DHTKD1: variants seen among roughly 807,000 people sequenced by gnomAD.
DHTKD1 encodes the protein 2-oxoadipate dehydrogenase complex component E1.
In DHTKD1, 78 loss-of-function variants were observed where a neutral mutation model predicts 101.8. That is an observed-to-expected ratio of 0.77 (90% CI 0.64 to 0.93). The LOEUF (loss-of-function observed/expected upper bound fraction) is 0.93, where lower values mean the gene tolerates loss of function less well. DHTKD1 is among the 40% of genes least tolerant of loss of function. DHTKD1 has a pLI of 0.00. For missense variants in DHTKD1, 1,223 were observed against 1,161.7 expected (o/e 1.05, Z -0.77); for synonymous variants, 462 against 450.3 (o/e 1.03, Z -0.33).
Position 12,069,069 on chromosome 10 carries a change from C to T in DHTKD1, c.36C>T (p.Gly12=), listed in dbSNP as rs972872618. 4.3e-6 allele frequency: 7 copies of T among 1,612,850 alleles called. No individual in the cohort carries two copies. Among genetic ancestry groups the T allele is most frequent in the African/African-American group, 4.0e-5 (3 of 74,850 alleles). The change falls in exon 1 of 17, where the codon GGC becomes GGT. Residue 12 remains glycine (G), a synonymous_variant. Coordinates refer to ENST00000263035, the MANE Select transcript of DHTKD1 (RefSeq NM_018706.7). ...ASATAAAARR[G]LGRALPLFWR... ...CTACTGCGGCAGCAGCACGACGGGG[C>T]CTCGGCCGGGCTCTCCCTCTCTTCT...
chr10:12,104,294 T>G (rs1262192369), intron 10 of DHTKD1, among the ~76,000 whole-genome samples: 1 of 152,098 alleles, frequency 6.6e-6, no homozygotes, highest in Non-Finnish European at 1.5e-5. Flanking sequence ...TTCTCCCACC[T>G]CAGCCTCCCA....
chr10:12,101,597 C>T (rs1833172522), intron 10 of DHTKD1, among the ~76,000 whole-genome samples: 1 of 152,040 alleles, frequency 6.6e-6, no homozygotes, highest in Admixed American at 6.6e-5. Flanking sequence ...GTACACATAA[C>T]CGTGTATTTC....
At chr10:12,098,833 G>T (rs1022895089) in intron 8 of DHTKD1, among the ~76,000 whole-genome samples, 4 of 152,118 alleles carry the variant, frequency 2.6e-5, no homozygotes, top group Non-Finnish European at 5.9e-5. Context: ...CCAAAGTGCT[G>T]GGTTTACAGG....
intron 1 of DHTKD1, among the ~76,000 whole-genome samples, chr10:12,070,801 C>G (rs747508298): frequency 6.6e-6 from 1 of 152,176 alleles, no homozygotes; most frequent in Non-Finnish European, 1.5e-5. Context: ...GAGGGAACCT[C>G]CTTTTTGCAG....
intron 11 of DHTKD1, 51 bp downstream of exon 11, chr10:12,106,447 C>T: frequency 1.2e-6 from 2 of 1,604,352 alleles, no homozygotes; most frequent in Non-Finnish European, 8.5e-7. Context: ...TGCGTGGCCC[C>T]AGCCTCGTGG....
intron 13 of DHTKD1, among the ~76,000 whole-genome samples, chr10:12,113,903 C>T (rs1833373970): frequency 6.6e-6 from 1 of 152,052 alleles, no homozygotes; most frequent in Non-Finnish European, 1.5e-5. Context: ...CTGGGCAACA[C>T]AGCAAGACAT....
At chr10:12,120,724 G>A in intron 16 of DHTKD1, 63 bp from the exon 17 acceptor site, 1 of 1,372,632 alleles carries the variant, frequency 7.3e-7, no homozygotes, top group Non-Finnish European at 1.0e-6. Flanking sequence ...TGTCTTGTTG[G>A]AACTAAGCAG....
At chr10:12,076,348 G>A (rs1319650251) in intron 1 of DHTKD1, among the ~76,000 whole-genome samples, 2 of 152,168 alleles carry the variant, frequency 1.3e-5, no homozygotes, top group African/African-American at 2.4e-5. Context: ...TGGTGGCACA[G>A]GCCTGTAGTC....
At chr10:12,070,045 T>C (rs763678802) in intron 1 of DHTKD1, among the ~76,000 whole-genome samples, 6 of 152,148 alleles carry the variant, frequency 3.9e-5, no homozygotes, top group Non-Finnish European at 1.5e-5. Context: ...TCCTTGTAGC[T>C]AGTCTGTTAC....
In DHTKD1 at chr10:12,114,835, G is replaced by C. The variant is rs535763659; in HGVS notation, c.2319+1771G>C. Among the ~76,000 whole-genome samples the C allele has an allele frequency of 2.4e-4, 36 of 151,828 alleles. 1 individual carries two copies. In the South Asian group the frequency reaches 7.3e-3, roughly 31 times the overall value. On this transcript the variant is annotated intron_variant, in intron 13 of 16. Coordinates refer to ENST00000263035, the MANE Select transcript of DHTKD1 (RefSeq NM_018706.7). Reference sequence around the variant, plus strand: ...TTTTGAGACGGAGTCTCGCTCTGTCGCCCAGGCTGGAGTGCAGTGCTGCGA... The same window carrying C: ...TTTTGAGACGGAGTCTCGCTCTGTCCCCCAGGCTGGAGTGCAGTGCTGCGA...
At position 12,071,137 on chromosome 10, in the gene DHTKD1, A is replaced by G. The variant is rs558641058; in HGVS notation, c.154+1950A>G. Among the ~76,000 whole-genome samples the G allele has an allele frequency of 2.4e-4, 36 of 152,326 alleles. 1 individual carries two copies. The South Asian group carries it at 7.2e-3, about 31-fold the overall frequency. Reference sequence around the variant, plus strand: ...CCTCTGGTACCAAATTCTGTATTAGATTGGAAGAGTTCAGGTGCTGTGATA... The same window carrying G: ...CCTCTGGTACCAAATTCTGTATTAGGTTGGAAGAGTTCAGGTGCTGTGATA... On this transcript the variant is annotated intron_variant, in intron 1 of 16. Transcript: ENST00000263035.
chr10:12,092,269 C>T (rs1833002536), intron 6 of DHTKD1, among the ~76,000 whole-genome samples: 1 of 152,112 alleles, frequency 6.6e-6, no homozygotes, highest in African/African-American at 2.4e-5. Context: ...AGGCGTGAGC[C>T]ACCATGCCCA....
intron 5 of DHTKD1, among the ~76,000 whole-genome samples, chr10:12,090,971 G>A (rs529115621): frequency 2.0e-5 from 3 of 151,738 alleles, no homozygotes; most frequent in Non-Finnish European, 4.4e-5. Context: ...GGAGAATGGC[G>A]TGAACCCCGG....
intron 3 of DHTKD1, among the ~76,000 whole-genome samples, chr10:12,085,762 C>T (rs1832887709): frequency 6.6e-6 from 1 of 151,918 alleles, no homozygotes; most frequent in Non-Finnish European, 1.5e-5. Flanking sequence ...TGGAGCATAC[C>T]TGTGGTCCCA....
chr10:12,113,095 C>G (rs1286206674), intron 13 of DHTKD1, 31 bp downstream of exon 13: 1 of 1,538,668 alleles, frequency 6.5e-7, no homozygotes, highest in Admixed American at 2.1e-5. Context: ...AAGCCTTCCT[C>G]CTTTTGTCAT....
rs1833265609 is a variant in DHTKD1 at position 12,107,339 on chromosome 10, G to A, written c.2048-570G>A. ...GCCTGCGGTGGTATTGGAGCGGCAT[G>A]TGCTGTCCAGGAAGCTGGGAACGTT... is the stretch of plus-strand genomic sequence containing the variant. On this transcript the variant is annotated intron_variant, in intron 11 of 16. Transcript: ENST00000263035. This position sits in a 1 kb window ranked among gnomAD's most constrained non-coding sequence, Gnocchi z 4.1. Among the ~76,000 whole-genome samples, 1 of 151,894 alleles carries A rather than the reference G, an allele frequency of 6.6e-6. No individual in the cohort carries two copies. Among genetic ancestry groups the A allele is most frequent in the Non-Finnish European group, 1.5e-5 (1 of 67,978 alleles).
At chr10:12,106,915 A>T (rs899322876) in intron 11 of DHTKD1, among the ~76,000 whole-genome samples, 2 of 151,686 alleles carry the variant, frequency 1.3e-5, no homozygotes, top group African/African-American at 2.4e-5. Flanking sequence ...TGTCGTGCCC[A>T]CCACCCCCTG....
intron 1 of DHTKD1, among the ~76,000 whole-genome samples, chr10:12,075,800 G>A (rs999330270): frequency 6.6e-6 from 1 of 151,866 alleles, no homozygotes; most frequent in Non-Finnish European, 1.5e-5. Flanking sequence ...TATTATAAAG[G>A]TAATACAGTT....
intron 14 of DHTKD1, 80 bp from the exon 15 acceptor site, chr10:12,118,669 A>G (rs553179359): frequency 1.6e-5 from 20 of 1,241,180 alleles, no homozygotes; most frequent in African/African-American, 4.6e-5. Flanking sequence ...GGCGTGAGCT[A>G]CTGCACCTGG....
Sources: gnomAD v4.1 joint callset for allele counts (sites outside exome capture counted in the v4.1 genomes callset) on GRCh38, gnomAD v4.1.1 for gene constraint, Gnocchi (gnomAD v3.1) non-coding constraint, MANE v1.5 for transcripts, NCBI Gene and HGNC (gene_info 2026-07-23, HGNC 2026-07-21) for gene names.